HYCC1: variants seen among roughly 807,000 people sequenced by gnomAD.
The protein encoded by HYCC1 is hyccin PI4KA lipid kinase complex subunit 1.
chr7:22,960,820 G>A, the HYCC1 span, among the ~76,000 whole-genome samples: 1 of 151,968 alleles, frequency 6.6e-6, no homozygotes, highest in Admixed American at 6.6e-5. Context: ...GAGGCCGAGG[G>A]GGCCTGATCA....
the HYCC1 span, among the ~76,000 whole-genome samples, chr7:22,948,316 C>T: frequency 6.6e-6 from 1 of 152,162 alleles, no homozygotes; most frequent in African/African-American, 2.4e-5. Flanking sequence ...CAGACTCCCA[C>T]TAATGATGCT....
the HYCC1 span, chr7:22,941,246 G>A: frequency 1.3e-5 from 2 of 151,944 alleles, no homozygotes; most frequent in African/African-American, 2.4e-5. Flanking sequence ...TGAGTAAACT[G>A]ATCTGGAAAA....
the HYCC1 span, among the ~76,000 whole-genome samples, chr7:23,005,255 C>G: frequency 6.6e-6 from 1 of 152,144 alleles, no homozygotes; most frequent in Non-Finnish European, 1.5e-5. Flanking sequence ...GGCCAATTTT[C>G]AACAAGTTAC....
the HYCC1 span, among the ~76,000 whole-genome samples, chr7:22,905,386 A>ATTTTTTTTTTTTT: frequency 1.1e-4 from 5 of 44,464 alleles, no homozygotes; most frequent in South Asian, 8.5e-4. Flanking sequence ...CTAATTTTGT[A>ATTTTTTTTTTTTT]TTTTTTTTTT....
chr7:23,013,846 C>T, the HYCC1 span: 1 of 440,432 alleles, frequency 2.3e-6, no homozygotes, highest in South Asian at 1.6e-5. Context: ...CGCCTCGCCC[C>T]GGCTCCTCCC....
At chr7:22,906,080 G>A in the HYCC1 span, among the ~76,000 whole-genome samples, 2 of 152,118 alleles carry the variant, frequency 1.3e-5, no homozygotes, top group African/African-American at 4.8e-5. Flanking sequence ...TGATAATGAT[G>A]ATGATGATTA....
At chr7:22,997,211 A>ATATAACATTTT in the HYCC1 span, among the ~76,000 whole-genome samples, 1 of 152,188 alleles carries the variant, frequency 6.6e-6, no homozygotes, top group Non-Finnish European at 1.5e-5. Flanking sequence ...CATCAGAGAC[A>ATATAACATTTT]TATAACATTT....
At chr7:22,924,988 C>G in the HYCC1 span, among the ~76,000 whole-genome samples, 1 of 152,170 alleles carries the variant, frequency 6.6e-6, no homozygotes, top group Non-Finnish European at 1.5e-5. Flanking sequence ...CCAAAACTTC[C>G]AGAGGAACAA....
chr7:22,950,762 C>G, the HYCC1 span, among the ~76,000 whole-genome samples: 1 of 151,688 alleles, frequency 6.6e-6, no homozygotes, highest in African/African-American at 2.4e-5. Context: ...AAGAGTAGAA[C>G]TTAATCCTTT....
At chr7:22,957,909 T>A in the HYCC1 span, among the ~76,000 whole-genome samples, 1 of 151,910 alleles carries the variant, frequency 6.6e-6, no homozygotes, top group Non-Finnish European at 1.5e-5. Flanking sequence ...TCTAAAGAAA[T>A]GTATAAACAA....
At chr7:22,920,430 G>A in the HYCC1 span, among the ~76,000 whole-genome samples, 1 of 151,954 alleles carries the variant, frequency 6.6e-6, no homozygotes, top group Admixed American at 6.6e-5. Flanking sequence ...CCCAAATAAG[G>A]TTAGTATTTG....
the HYCC1 span, among the ~76,000 whole-genome samples, chr7:22,957,315 A>C: frequency 1.3e-5 from 2 of 151,226 alleles, no homozygotes; most frequent in Non-Finnish European, 3.0e-5. Context: ...AAAAAAAAAA[A>C]AGCAAAAAGG....
At chr7:22,964,957 A>G in the HYCC1 span, among the ~76,000 whole-genome samples, 1 of 152,042 alleles carries the variant, frequency 6.6e-6, no homozygotes, top group African/African-American at 2.4e-5. Flanking sequence ...AATATGGTAA[A>G]ACCCTGTCTC....
At chr7:22,967,348 C>T in the HYCC1 span, among the ~76,000 whole-genome samples, 1 of 151,994 alleles carries the variant, frequency 6.6e-6, no homozygotes, top group African/African-American at 2.4e-5. Context: ...GATATTTTTC[C>T]AAGTGGAAAA....
the HYCC1 span, chr7:22,944,008 T>C: frequency 6.6e-6 from 1 of 152,210 alleles, no homozygotes; most frequent in Non-Finnish European, 1.5e-5. Context: ...GTTAAAACTA[T>C]GTCCAGAGTA....
chr7:22,934,858 C>T, the HYCC1 span: 2 of 152,188 alleles, frequency 1.3e-5, no homozygotes, highest in Non-Finnish European at 2.9e-5. Flanking sequence ...GTGATAGAGG[C>T]ACCCTCTGCC....
the HYCC1 span, among the ~76,000 whole-genome samples, chr7:22,929,303 A>C: frequency 6.6e-6 from 1 of 152,218 alleles, no homozygotes; most frequent in Non-Finnish European, 1.5e-5. Context: ...TGTCTAAAAC[A>C]CCAAAAGCAA....
At chr7:22,900,537 T>G in the HYCC1 span, among the ~76,000 whole-genome samples, 1 of 152,192 alleles carries the variant, frequency 6.6e-6, no homozygotes, top group Non-Finnish European at 1.5e-5. Context: ...AGGAAAACCT[T>G]TGAAGCACTG....
At chr7:22,896,133 A>C in the HYCC1 span, among the ~76,000 whole-genome samples, 1 of 152,210 alleles carries the variant, frequency 6.6e-6, no homozygotes, top group Non-Finnish European at 1.5e-5. Flanking sequence ...CCAAAAAGAT[A>C]AGCCATTTTT....
Sources: allele counts gnomAD v4.1 joint callset (sites outside exome capture counted in the v4.1 genomes callset), GRCh38; gene constraint gnomAD v4.1.1; transcripts MANE v1.5; gene names NCBI Gene and HGNC (gene_info 2026-07-23, HGNC 2026-07-21).